Variants in SLC25A21 observed in about 807,000 individuals in gnomAD.
The protein encoded by SLC25A21 is solute carrier family 25 member 21.
A neutral mutation model predicts 43.8 loss-of-function variants in SLC25A21; 47 were observed. That is an observed-to-expected ratio of 1.07 (90% CI 0.85 to 1.37). The LOEUF is 1.37. Ranked by LOEUF, SLC25A21 falls within the 40% of genes most tolerant of loss-of-function variation. The pLI, the probability that SLC25A21 is intolerant of heterozygous loss-of-function variation, is 0.00. For synonymous variants in SLC25A21, 131 were observed against 121.3 expected, an observed-to-expected ratio of 1.08 and a Z score of -0.52; for missense variants, 352 against 350.2, an observed-to-expected ratio of 1.00 and a Z score of -0.04.
chr14:36,794,072 CAG>C (rs1887587967), intron 3 of SLC25A21, among the ~76,000 whole-genome samples: 1 of 151,796 alleles, frequency 6.6e-6, no homozygotes, highest in Non-Finnish European at 1.5e-5. Flanking sequence ...ACATAGTTAA[CAG>C]AGATGAATTT....
chr14:37,146,539 A>G (rs966074152), intron 1 of SLC25A21, among the ~76,000 whole-genome samples: 33 of 152,214 alleles, frequency 2.2e-4, no homozygotes, highest in African/African-American at 7.7e-4. Context: ...GAGCCACCAC[A>G]CTCAGCCCAG....
intron 1 of SLC25A21, among the ~76,000 whole-genome samples, chr14:36,923,592 A>C (rs1236298904): frequency 6.6e-6 from 1 of 152,170 alleles, no homozygotes; most frequent in African/African-American, 2.4e-5. Flanking sequence ...AAAGATAATA[A>C]CAACATGTTG....
Position 36,862,422 on chromosome 14 carries a change from T to C in SLC25A21, c.119+12534A>G, listed in dbSNP as rs371370113. 6.2e-4 allele frequency among the ~76,000 whole-genome samples: 94 copies of C among 152,290 alleles called. 1 individual carries two copies. In the East Asian group the frequency reaches 0.017, roughly 28 times the overall value. On this transcript the variant is annotated intron_variant, in intron 2 of 9. Transcript: ENST00000331299. The stretch of plus-strand genomic sequence containing the variant: ...GGCACATATACACCATGGAATACTA[T>C]GCAGCCATAAAAAAGAATGAGTTCA...
chr14:36,731,298 T>TATG (rs888752382), intron 4 of SLC25A21, among the ~76,000 whole-genome samples: 2 of 152,144 alleles, frequency 1.3e-5, no homozygotes, highest in Non-Finnish European at 2.9e-5. Context: ...TTTTTATGAT[T>TATG]ATCATCATCA....
rs540317055 is a variant in SLC25A21 at position 36,679,515 on chromosome 14, T to C, written c.*1143A>G. The C allele has an allele frequency of 2.2e-5, 22 of 985,424 alleles. No homozygotes were observed. The highest frequency in any genetic ancestry group is 2.4e-5 in the Non-Finnish European group (20 of 829,906). The allele number at this position is 985,424 out of a possible 1,614,324, so 61.0% of individuals were successfully genotyped here. On this transcript the variant is annotated 3_prime_UTR_variant, in exon 10 of 10. Coordinates refer to ENST00000331299, the MANE Select transcript of SLC25A21 (RefSeq NM_030631.4). Reference sequence around the variant, plus strand: ...AATCAGCATCATCTCTGGATGCAGATATAAAATCAAGTTTGGTTACATCAA... The same window carrying C: ...AATCAGCATCATCTCTGGATGCAGACATAAAATCAAGTTTGGTTACATCAA...
intron 1 of SLC25A21, among the ~76,000 whole-genome samples, chr14:36,915,043 A>G (rs1424618562): frequency 1.3e-5 from 2 of 152,162 alleles, no homozygotes; most frequent in Non-Finnish European, 2.9e-5. Flanking sequence ...TTTACCCTAA[A>G]AATGATCACA....
At chr14:36,762,976 T>G (rs1886221499) in intron 3 of SLC25A21, among the ~76,000 whole-genome samples, 1 of 152,204 alleles carries the variant, frequency 6.6e-6, no homozygotes, top group South Asian at 2.1e-4. Flanking sequence ...CTGGTAGCTA[T>G]GTGGATACAT....
intron 6 of SLC25A21, among the ~76,000 whole-genome samples, chr14:36,724,416 C>A (rs1274021965): frequency 6.6e-6 from 1 of 152,176 alleles, no homozygotes; most frequent in Non-Finnish European, 1.5e-5. Flanking sequence ...GAGGGGGTCT[C>A]CACCCATTAG....
At chr14:37,052,231 G>A (rs1342462218) in intron 1 of SLC25A21, among the ~76,000 whole-genome samples, 1 of 152,154 alleles carries the variant, frequency 6.6e-6, no homozygotes, top group Non-Finnish European at 1.5e-5. Flanking sequence ...TGTGATCCAG[G>A]GATGCAAGTA....
rs528998139 is a variant in SLC25A21, at chr14:36,978,959, G to A, written c.71-103955C>T. 1.6e-3 allele frequency among the ~76,000 whole-genome samples: 241 copies of A among 152,238 alleles called. 1 individual carries two copies. The highest frequency in any genetic ancestry group is 5.4e-3 in the African/African-American group (226 of 41,552). On this transcript the variant is annotated intron_variant, in intron 1 of 9. Transcript: ENST00000331299. ...AAAAATTAGCCAGACGTGCTGCCAC[G>A]CACCTGCAATCCCAGCTACTCAGGA... is the stretch of plus-strand genomic sequence containing the variant.
chr14:36,870,382 T>A (rs1266266447), intron 2 of SLC25A21: 2 of 152,208 alleles, frequency 1.3e-5, no homozygotes, highest in African/African-American at 4.8e-5. Flanking sequence ...TGAAGGAGAA[T>A]CTGGTCCATA....
chr14:36,804,520 T>C (rs1439325520), intron 3 of SLC25A21, among the ~76,000 whole-genome samples: 3 of 152,166 alleles, frequency 2.0e-5, no homozygotes, highest in Non-Finnish European at 4.4e-5. Flanking sequence ...CTTATGAGTA[T>C]CAAGGAGGTC....
At chr14:36,791,431 T>C (rs141796930) in intron 3 of SLC25A21, among the ~76,000 whole-genome samples, 179 of 152,304 alleles carry the variant, frequency 1.2e-3, no homozygotes, top group East Asian at 8.5e-3. Context: ...TAGTCACTAA[T>C]GTCCATGCAG....
intron 1 of SLC25A21, among the ~76,000 whole-genome samples, chr14:36,877,400 G>T (rs1325362910): frequency 6.6e-6 from 1 of 152,154 alleles, no homozygotes; most frequent in African/African-American, 2.4e-5. Context: ...ACAGATAATA[G>T]ATCAGATGAT....
At chr14:37,149,466 A>G (rs1963721748) in intron 1 of SLC25A21, among the ~76,000 whole-genome samples, 1 of 152,086 alleles carries the variant, frequency 6.6e-6, no homozygotes, top group African/African-American at 2.4e-5. Context: ...AAAATCCGCT[A>G]GGGCCGGCCA....
At chr14:36,990,473 AAG>A (rs1960238402) in intron 1 of SLC25A21, among the ~76,000 whole-genome samples, 1 of 152,236 alleles carries the variant, frequency 6.6e-6, no homozygotes, top group South Asian at 2.1e-4. Context: ...AGAGAAAAAA[AAG>A]AAATAATTCT....
intron 1 of SLC25A21, among the ~76,000 whole-genome samples, chr14:36,949,995 G>A (rs1441426773): frequency 2.0e-5 from 3 of 152,076 alleles, no homozygotes; most frequent in African/African-American, 7.2e-5. Context: ...ACTTTATAAC[G>A]GTAATGTACA....
At chr14:36,801,016 T>C (rs1887852410) in intron 3 of SLC25A21, among the ~76,000 whole-genome samples, 1 of 152,170 alleles carries the variant, frequency 6.6e-6, no homozygotes, top group East Asian at 1.9e-4. Context: ...GGGTGGGTTT[T>C]AGGCTTCGTT....
At position 36,678,852 on chromosome 14, in the gene SLC25A21, G is replaced by GAT. The variant is rs1882042056; in HGVS notation, c.*1804_*1805dup. The GAT allele has an allele frequency of 3.1e-6, 3 of 975,570 alleles. No homozygotes were observed. In the South Asian group the frequency reaches 1.4e-4, roughly 47 times the overall value. The allele number at this position is 975,570 out of a possible 1,614,324, so 60.4% of individuals were successfully genotyped here. A position where few individuals can be genotyped will look rare whatever the true frequency, so the allele number is the denominator to read the frequency against. ...AATTCACATGGAGTAATTTTTAAAA[G>GAT]ATATCAGATACAATTTGCTATTCAA... On this transcript the variant is annotated 3_prime_UTR_variant, in exon 10 of 10. Transcript: ENST00000331299.
Sources: gnomAD v4.1 joint callset for allele counts (sites outside exome capture counted in the v4.1 genomes callset) on GRCh38, gnomAD v4.1.1 for gene constraint, MANE v1.5 for transcripts, NCBI Gene and HGNC (gene_info 2026-07-23, HGNC 2026-07-21) for gene names.